DPP6: variants seen among roughly 807,000 people sequenced by gnomAD.
DPP6 encodes A-type potassium channel modulatory protein DPP6.
DPP6 carries 69 observed loss-of-function variants against 122.6 expected under a neutral mutation model. The ratio of observed to expected loss-of-function variants is 0.56; its 90% CI spans 0.46 to 0.69. The LOEUF is 0.69. Ranked by LOEUF, DPP6 falls within the 30% of genes least tolerant of loss-of-function variation. DPP6 has a pLI of 0.00. For missense variants in DPP6, 928 were observed against 1,116.9 expected (o/e 0.83, Z 2.41); for synonymous variants, 418 against 433.1 (o/e 0.97, Z 0.43).
intron 8 of DPP6, among the ~76,000 whole-genome samples, chr7:154,756,008 G>A (rs1003242010): frequency 1.5e-4 from 23 of 152,186 alleles, no homozygotes; most frequent in African/African-American, 5.1e-4. Context: ...CTTAGAAAAC[G>A]TGCAGTGAAA....
At chr7:154,655,588 TTC>T (rs1261735521) in intron 6 of DPP6, among the ~76,000 whole-genome samples, 1 of 152,228 alleles carries the variant, frequency 6.6e-6, no homozygotes, top group Non-Finnish European at 1.5e-5. Flanking sequence ...TGCATTCTCT[TTC>T]TCTCTGCCTG....
chr7:154,235,593 G>A (rs10275891), intron 1 of DPP6, among the ~76,000 whole-genome samples: 8,221 of 149,328 alleles, frequency 0.055, 1,585 homozygotes, highest in African/African-American at 0.2. Flanking sequence ...ACTACACAGT[G>A]TTTTAAAGCC....
At chr7:154,733,275 C>T (rs1396119359) in intron 8 of DPP6, among the ~76,000 whole-genome samples, 3 of 152,204 alleles carry the variant, frequency 2.0e-5, no homozygotes, top group Non-Finnish European at 4.4e-5. Context: ...ACTCAGAATG[C>T]TCTCATTAGC....
chr7:154,715,456 TCA>T (rs1275373815), intron 7 of DPP6, among the ~76,000 whole-genome samples: 1 of 152,242 alleles, frequency 6.6e-6, no homozygotes, highest in African/African-American at 2.4e-5. Context: ...AGACAAGGAA[TCA>T]CACACTTGTA....
chr7:154,705,132 G>A (rs1447868239), intron 7 of DPP6, among the ~76,000 whole-genome samples: 8 of 152,198 alleles, frequency 5.3e-5, no homozygotes, highest in African/African-American at 1.9e-4. Context: ...AGGAGAGGGG[G>A]AGAAGGGAGG....
At chr7:153,812,691 A>T in the DPP6 span, among the ~76,000 whole-genome samples, 4,298 of 152,272 alleles carry the variant, frequency 0.028, 185 homozygotes, top group African/African-American at 0.098. Flanking sequence ...GCTGAGGTCA[A>T]GGCTGCAAGG....
intron 7 of DPP6, among the ~76,000 whole-genome samples, chr7:154,698,143 A>G (rs1287221023): frequency 2.0e-5 from 3 of 152,202 alleles, no homozygotes; most frequent in African/African-American, 7.2e-5. Context: ...TTTTAGTTAC[A>G]ATTATTAGTT....
At chr7:154,453,548 A>G (rs1156253177) in intron 2 of DPP6, among the ~76,000 whole-genome samples, 1 of 149,596 alleles carries the variant, frequency 6.7e-6, no homozygotes, top group East Asian at 1.9e-4. Context: ...TAAATATTAT[A>G]TAGATATTAA....
intron 7 of DPP6, 78 bp from the exon 8 acceptor site, chr7:154,727,689 A>G (rs1395719518): frequency 6.8e-7 from 1 of 1,480,348 alleles, no homozygotes; most frequent in Non-Finnish European, 9.0e-7. Context: ...CCGGTTGATG[A>G]TTTCAGATTT....
chr7:154,108,407 A>G (rs960619754), intron 1 of DPP6, among the ~76,000 whole-genome samples: 2 of 152,320 alleles, frequency 1.3e-5, no homozygotes, highest in African/African-American at 2.4e-5. Context: ...ACATGGTGTT[A>G]AAGTATCACT....
chr7:154,842,225 T>C (rs1053843809), intron 16 of DPP6, among the ~76,000 whole-genome samples: 1 of 152,200 alleles, frequency 6.6e-6, no homozygotes, highest in Non-Finnish European at 1.5e-5. Context: ...TTAAGAGATA[T>C]CAGTGGTGCC....
At chr7:154,073,703 A>T (rs1356863885) in intron 1 of DPP6, among the ~76,000 whole-genome samples, 1 of 152,244 alleles carries the variant, frequency 6.6e-6, no homozygotes, top group Admixed American at 6.5e-5. Context: ...CATTAGTTTT[A>T]CATCCTTGGC....
At chr7:154,834,316 A>AAAAT (rs930439539) in intron 16 of DPP6, among the ~76,000 whole-genome samples, 1 of 151,466 alleles carries the variant, frequency 6.6e-6, no homozygotes, top group Non-Finnish European at 1.5e-5. Context: ...AAATACAAAA[A>AAAAT]AAAAAAAAAA....
At chr7:153,934,902 C>T (rs1047371977) in intron 1 of DPP6, among the ~76,000 whole-genome samples, 1 of 152,186 alleles carries the variant, frequency 6.6e-6, no homozygotes, top group Non-Finnish European at 1.5e-5. Flanking sequence ...CTGCCAGTAC[C>T]AGGGAGGAGG....
At chr7:154,655,247 C>T (rs1837162540) in intron 6 of DPP6, among the ~76,000 whole-genome samples, 1 of 152,166 alleles carries the variant, frequency 6.6e-6, no homozygotes, top group South Asian at 2.1e-4. Flanking sequence ...TAAAGCTTTT[C>T]AGTCCCTCAA....
intron 4 of DPP6, among the ~76,000 whole-genome samples, chr7:154,556,497 C>T (rs1025417892): frequency 2.6e-5 from 4 of 152,170 alleles, no homozygotes; most frequent in Non-Finnish European, 5.9e-5. Context: ...AACTCTTCAT[C>T]TACAAAGATG....
intron 1 of DPP6, among the ~76,000 whole-genome samples, chr7:154,086,378 G>C (rs1804424516): frequency 6.8e-6 from 1 of 147,826 alleles, no homozygotes; most frequent in African/African-American, 2.5e-5. Flanking sequence ...TGCTGTGCTG[G>C]CCCTGACACA....
intron 16 of DPP6, among the ~76,000 whole-genome samples, chr7:154,848,747 A>G (rs147386195): frequency 6.6e-6 from 1 of 152,214 alleles, no homozygotes; most frequent in Admixed American, 6.5e-5. Context: ...GACCAATGTC[A>G]TGGAGCTTTT....
intron 1 of DPP6, among the ~76,000 whole-genome samples, chr7:154,160,884 A>G (rs1247648633): frequency 6.6e-6 from 1 of 152,192 alleles, no homozygotes; most frequent in Non-Finnish European, 1.5e-5. Flanking sequence ...CGGGGAGGGA[A>G]TGCCAGAAAC....
Sources: gnomAD v4.1 joint callset for allele counts (sites outside exome capture counted in the v4.1 genomes callset) on GRCh38, gnomAD v4.1.1 for gene constraint, MANE v1.5 for transcripts, NCBI Gene and HGNC (gene_info 2026-07-23, HGNC 2026-07-21) for gene names.